FAT3: variants seen among roughly 807,000 people sequenced by gnomAD.
FAT3 encodes the protein protocadherin Fat 3.
A neutral mutation model predicts 310.2 loss-of-function variants in FAT3; 95 were observed. That is an observed-to-expected ratio of 0.31 (90% confidence interval 0.26 to 0.36). The LOEUF (loss-of-function observed/expected upper bound fraction) is 0.36, where lower values mean the gene tolerates loss of function less well. Ranked by LOEUF, FAT3 falls within the 10% of genes least tolerant of loss-of-function variation. FAT3 has a pLI of 1.00. For missense variants in FAT3, 5,408 were observed against 5,715.6 expected (o/e 0.95, Z 1.74); for synonymous variants, 2,314 against 2,192.9 (o/e 1.06, Z -1.54).
chr11:92,666,353 ATTT>A (rs35495410), intron 3 of FAT3, among the ~76,000 whole-genome samples: 1 of 140,258 alleles, frequency 7.1e-6, no homozygotes. Context: ...AATTTGAAGG[ATTT>A]TTTTTTTTTT....
Position 92,801,594 on chromosome 11 carries a change from A to G in FAT3, c.8581A>G (p.Lys2861Glu), listed in dbSNP as rs1947355455. The G allele has an allele frequency of 6.2e-7, 1 of 1,612,234 alleles. No homozygotes were observed. The highest frequency in any genetic ancestry group is 8.5e-7 in the Non-Finnish European group (1 of 1,179,122). ...CCTCCACTCGGATTCCCAGCCCGAAAAGGTAATGGAAGCATTCAATATTGA... is the reference window on the plus strand; with the variant it reads ...CCTCCACTCGGATTCCCAGCCCGAAGAGGTAATGGAAGCATTCAATATTGA... The part of the protein sequence containing the change: ...YSLHSDSQPE[K>E]VMEAFNIDSN... Residue 2861 changes from lysine (K) to glutamate (E), a missense_variant, in exon 10 of 28, where the codon AAG becomes GAG. Physicochemically the swap from Lys to Glu is moderately conservative, Grantham distance 56. Transcript: ENST00000525166.
intron 4 of FAT3, among the ~76,000 whole-genome samples, chr11:92,734,272 C>A (rs548849611): frequency 6.6e-6 from 1 of 152,086 alleles, no homozygotes; most frequent in African/African-American, 2.4e-5. Context: ...TGTGTCAGTG[C>A]GATACCACAT....
At chr11:92,561,271 G>A (rs1367088801) in intron 3 of FAT3, among the ~76,000 whole-genome samples, 2 of 109,494 alleles carry the variant, frequency 1.8e-5, no homozygotes, top group Admixed American at 9.3e-5. Flanking sequence ...GTGTGTGTGT[G>A]TGTGTGTGTG....
At chr11:92,519,137 A>T (rs1322200306) in intron 2 of FAT3, among the ~76,000 whole-genome samples, 4 of 152,174 alleles carry the variant, frequency 2.6e-5, no homozygotes, top group African/African-American at 7.2e-5. Flanking sequence ...ACACTTCCTG[A>T]TTTCAAGATT....
intron 9 of FAT3, among the ~76,000 whole-genome samples, chr11:92,794,522 A>G (rs185053241): frequency 1.3e-5 from 2 of 152,346 alleles, no homozygotes; most frequent in African/African-American, 4.8e-5. Context: ...TTAGATAGCC[A>G]GATAATGTTT....
rs185411959 is a variant in FAT3, at chr11:92,473,955, G to A, written c.3293-50679G>A. On this transcript the variant is annotated intron_variant, in intron 2 of 27. Transcript: ENST00000525166. The stretch of plus-strand genomic sequence containing the variant: ...CACTCAAGGCTCTTTGTCAGGACAC[G>A]TCTGCTGCCAGCCTTCCTATGGAGC... Among the ~76,000 whole-genome samples, 231 of 152,282 alleles carry A rather than the reference G, an allele frequency of 1.5e-3. 1 individual carries two copies. The highest frequency in any genetic ancestry group is 1.6e-3 in the Non-Finnish European group (106 of 68,024).
chr11:92,844,812 T>C, intron 19 of FAT3, 80 bp downstream of exon 19: 2 of 1,368,238 alleles, frequency 1.5e-6, no homozygotes, highest in Non-Finnish European at 1.9e-6. Flanking sequence ...CATGCCTGCA[T>C]TCAATCATTC....
In FAT3 at chr11:92,550,639, T is replaced by A. The variant is rs539404718; in HGVS notation, c.3607+25691T>A. ...AACAATAGGTGGCCATTGCCAGCAA[T>A]TTGAGCACAGCAGTCCTCATACTTG... On this transcript the variant is annotated intron_variant, in intron 3 of 27. Coordinates refer to ENST00000525166, the MANE Select transcript of FAT3 (RefSeq NM_001367949.2). Among the ~76,000 whole-genome samples, 4 of 152,286 alleles carry A rather than the reference T, an allele frequency of 2.6e-5. 1 individual carries two copies. Among genetic ancestry groups the A allele is most frequent in the African/African-American group, 9.6e-5 (4 of 41,566 alleles).
At chr11:92,359,452 A>C (rs1948821148) in intron 2 of FAT3, among the ~76,000 whole-genome samples, 1 of 152,102 alleles carries the variant, frequency 6.6e-6, no homozygotes, top group South Asian at 2.1e-4. Flanking sequence ...TAGTTGATAC[A>C]TTTAGTAGTT....
intron 3 of FAT3, among the ~76,000 whole-genome samples, chr11:92,577,416 C>G (rs1340507151): frequency 6.6e-6 from 1 of 151,860 alleles, no homozygotes; most frequent in East Asian, 1.9e-4. Flanking sequence ...CCTATTTTTT[C>G]TTTTTAAGTA....
intron 21 of FAT3, among the ~76,000 whole-genome samples, chr11:92,866,364 C>T (rs1024235772): frequency 2.6e-5 from 4 of 152,092 alleles, no homozygotes; most frequent in Admixed American, 6.5e-5. Context: ...AATGAGTTCC[C>T]GGAATTCATT....
chr11:92,801,951 T>C, intron 10 of FAT3, 42 bp downstream of exon 10: 1 of 1,547,842 alleles, frequency 6.5e-7, no homozygotes, highest in Non-Finnish European at 8.8e-7. Context: ...CACTGCTTTA[T>C]AAAGAAAGAT....
At chr11:92,777,940 G>A (rs916229282) in intron 7 of FAT3, among the ~76,000 whole-genome samples, 8 of 152,102 alleles carry the variant, frequency 5.3e-5, no homozygotes, top group African/African-American at 1.4e-4. Flanking sequence ...ATGTTGCTGT[G>A]AGAAATGAGT....
At position 92,418,432 on chromosome 11, in the gene FAT3, C is replaced by CCA. The variant is rs1271780199; in HGVS notation, c.3292+63029_3292+63030insAC. Reference sequence around the variant, plus strand: ...CAAAAGTTAAACACCCCCCCCACCCCCCCACACACACACAGAGAAAACAAA... The same window carrying CCA: ...CAAAAGTTAAACACCCCCCCCACCCCCACCCACACACACACAGAGAAAACAAA... On this transcript the variant is annotated intron_variant, in intron 2 of 27. Coordinates refer to ENST00000525166, the MANE Select transcript of FAT3 (RefSeq NM_001367949.2). Among the ~76,000 whole-genome samples the CCA allele has an allele frequency of 1.1e-4, 11 of 101,254 alleles. 1 individual carries two copies. The highest frequency in any genetic ancestry group is 4.7e-4 in the South Asian group (1 of 2,124). The allele number at this position is 101,254 out of a possible 152,430, so 66.4% of individuals were successfully genotyped here.
intron 13 of FAT3, among the ~76,000 whole-genome samples, chr11:92,826,450 T>G (rs10160748): frequency 0.014 from 2,080 of 152,232 alleles, 52 homozygotes; most frequent in African/African-American, 0.047. Context: ...AGCATGGGAT[T>G]GAGAAACTAA....
chr11:92,352,058 G>T, intron 1 of FAT3, 38 bp from the exon 2 acceptor site: 4 of 1,216,712 alleles, frequency 3.3e-6, no homozygotes, highest in South Asian at 1.6e-5. Context: ...TTCTAGGATG[G>T]TTAATTTATC....
chr11:92,776,059 G>A (rs1328838646), intron 7 of FAT3, among the ~76,000 whole-genome samples: 5 of 152,128 alleles, frequency 3.3e-5, no homozygotes, highest in African/African-American at 1.2e-4. Context: ...TTAAAAATTA[G>A]CCTTGTCTTA....
chr11:92,483,301 C>T (rs1952285349), intron 2 of FAT3, among the ~76,000 whole-genome samples: 1 of 151,826 alleles, frequency 6.6e-6, no homozygotes, highest in Non-Finnish European at 1.5e-5. Context: ...TCAAACACAT[C>T]TTTTTTTATC....
At chr11:92,517,443 C>T (rs1953524733) in intron 2 of FAT3, among the ~76,000 whole-genome samples, 1 of 152,096 alleles carries the variant, frequency 6.6e-6, no homozygotes, top group African/African-American at 2.4e-5. Flanking sequence ...AAACTGGACC[C>T]CTTTCTTACA....
Sources: gnomAD v4.1 joint callset for allele counts (sites outside exome capture counted in the v4.1 genomes callset) on GRCh38, gnomAD v4.1.1 for gene constraint, MANE v1.5 for transcripts, NCBI Gene and HGNC (gene_info 2026-07-23, HGNC 2026-07-21) for gene names.